UTP4: variants seen among roughly 807,000 people sequenced by gnomAD.
UTP4 encodes the protein UTP4 small subunit processome component, also known as U3 small nucleolar RNA-associated protein 4 homolog.
A neutral mutation model predicts 82.4 loss-of-function variants in UTP4; 45 were observed. The ratio of observed to expected loss-of-function variants is 0.55; its 90% CI spans 0.43 to 0.70. UTP4 has a LOEUF of 0.70. UTP4 is among the 30% of genes least tolerant of loss of function. UTP4 has a pLI of 0.00. For synonymous variants in UTP4, 348 were observed against 300.3 expected, an observed-to-expected ratio of 1.16 and a Z score of -1.64; for missense variants, 819 against 858.3, an observed-to-expected ratio of 0.95 and a Z score of 0.57.
intron 12 of UTP4, among the ~76,000 whole-genome samples, chr16:69,158,679 T>C (rs1459230077): frequency 6.6e-6 from 1 of 152,192 alleles, no homozygotes; most frequent in Non-Finnish European, 1.5e-5. Context: ...ACTTCTCTCA[T>C]CTCACTTCCC....
Position 69,168,997 on chromosome 16 carries a change from T to C in UTP4, c.*60T>C. 1 of 1,034,550 alleles carries C rather than the reference T, an allele frequency of 9.7e-7. No individual in the cohort carries two copies. The highest frequency in any genetic ancestry group is 1.6e-5 in the African/African-American group (1 of 63,960). The allele number at this position is 1,034,550 out of a possible 1,614,324, so 64.1% of individuals were successfully genotyped here. Reference sequence around the variant, plus strand: ...CTACCCTGTTGCTTTTCACAAATCATGGTAATAAAACAAGTTATTCTTGAG... The same window carrying C: ...CTACCCTGTTGCTTTTCACAAATCACGGTAATAAAACAAGTTATTCTTGAG... On this transcript the variant is annotated 3_prime_UTR_variant, in exon 17 of 17. Coordinates refer to ENST00000314423, the MANE Select transcript of UTP4 (RefSeq NM_032830.3).
chr16:69,138,729 A>G (rs1236691344), intron 4 of UTP4, among the ~76,000 whole-genome samples: 2 of 152,054 alleles, frequency 1.3e-5, no homozygotes, highest in African/African-American at 4.8e-5. Flanking sequence ...TTGTCTGCCA[A>G]CTCTGTCAGT....
At chr16:69,152,074 C>T (rs1421638799) in intron 8 of UTP4, among the ~76,000 whole-genome samples, 1 of 151,062 alleles carries the variant, frequency 6.6e-6, no homozygotes, top group Non-Finnish European at 1.5e-5. Flanking sequence ...AAAAATCATA[C>T]ATATTTAATG....
At chr16:69,163,021 C>T in intron 13 of UTP4, 62 bp from the exon 14 acceptor site, 2 of 1,279,574 alleles carry the variant, frequency 1.6e-6, no homozygotes, top group Non-Finnish European at 2.3e-6. Context: ...CTAGACCATT[C>T]AATCTTTGCT....
At chr16:69,167,220 G>A (rs373268739) in intron 16 of UTP4, 35 bp downstream of exon 16, 80 of 1,372,896 alleles carry the variant, frequency 5.8e-5, no homozygotes, top group Non-Finnish European at 7.8e-5. Context: ...TGGATAGTTG[G>A]TTCCTTTGTG....
chr16:69,140,105 A>C (rs1188415407), intron 5 of UTP4, among the ~76,000 whole-genome samples, 191 bp downstream of exon 5: 3 of 152,180 alleles, frequency 2.0e-5, no homozygotes, highest in Non-Finnish European at 1.5e-5. Context: ...GGAATCTTGG[A>C]TCTTCAGTAA....
Position 69,136,714 on chromosome 16 carries a change from T to C in UTP4, c.178T>C (p.Ser60Pro), listed in dbSNP as rs1169174752. 3 of 1,613,960 alleles carry C rather than the reference T, an allele frequency of 1.9e-6. No homozygotes were observed. The highest frequency in any genetic ancestry group is 2.5e-6 in the Non-Finnish European group (3 of 1,179,904). ...TCTGCAGTTTTTCCCAGGTCATGAG[T>C]CTCGGGCTACAGAAGCTTTGTGCTG... ...FQEKFFPGHE[S>P]RATEALCWAE... is the part of the protein sequence containing the mutation. Residue 60 changes from serine to proline, a missense_variant, in exon 3 of 17, where the codon TCT (serine) becomes CCT (proline). By Grantham distance (74) the Ser-to-Pro change is moderately conservative. Transcript: ENST00000314423.
chr16:69,152,963 C>T (rs1356910302), intron 8 of UTP4, among the ~76,000 whole-genome samples: 12 of 152,142 alleles, frequency 7.9e-5, no homozygotes, highest in Non-Finnish European at 1.5e-4. Flanking sequence ...TCACTCCATG[C>T]TTCAAAGCCT....
At chr16:69,153,773 A>T in intron 9 of UTP4, 93 bp downstream of exon 9, 1 of 849,388 alleles carries the variant, frequency 1.2e-6, no homozygotes, top group Non-Finnish European at 2.0e-6. Context: ...AGAAAAACTG[A>T]AGTAGACTTT....
At chr16:69,151,508 G>A (rs1963267998) in intron 8 of UTP4, among the ~76,000 whole-genome samples, 1 of 151,064 alleles carries the variant, frequency 6.6e-6, no homozygotes, top group Non-Finnish European at 1.5e-5. Context: ...TTTTAGTAGA[G>A]GTGGGGTTTC....
intron 6 of UTP4, 38 bp downstream of exon 6, chr16:69,143,427 C>G: frequency 2.5e-6 from 4 of 1,575,590 alleles, no homozygotes; most frequent in Non-Finnish European, 8.7e-7. Flanking sequence ...TGATGTACAC[C>G]CTTGTGGGGT....
At chr16:69,163,727 T>A (rs1015313375) in intron 14 of UTP4, among the ~76,000 whole-genome samples, 1 of 151,758 alleles carries the variant, frequency 6.6e-6, no homozygotes, top group Non-Finnish European at 1.5e-5. Flanking sequence ...TAGGAAGTTA[T>A]CAATAATTAT....
intron 16 of UTP4, 140 bp downstream of exon 16, chr16:69,167,325 G>T: frequency 1.5e-6 from 1 of 687,532 alleles, no homozygotes; most frequent in Non-Finnish European, 2.6e-6. Flanking sequence ...TCACCTTTTT[G>T]AGGCTGGCTG....
intron 15 of UTP4, 166 bp from the exon 16 acceptor site, chr16:69,166,909 A>G (rs1963716094): frequency 1.6e-6 from 1 of 615,418 alleles, no homozygotes; most frequent in Non-Finnish European, 2.9e-6. Flanking sequence ...TTCTGAATAG[A>G]GGTATTATGG....
intron 12 of UTP4, among the ~76,000 whole-genome samples, chr16:69,157,900 A>ATTATTTTTTTTTTTTTTTTTTTTTTTTT (rs1348295512): frequency 6.6e-6 from 1 of 150,476 alleles, no homozygotes; most frequent in African/African-American, 2.4e-5. Context: ...GCCCAAAAGT[A>ATTATTTTTTTTTTTTTTTTTTTTTTTTT]TTCTTATACA....
chr16:69,162,890 C>CA (rs1012200238), intron 13 of UTP4, among the ~76,000 whole-genome samples, 193 bp from the exon 14 acceptor site: 2,332 of 100,788 alleles, frequency 0.023, 18 homozygotes, highest in African/African-American at 0.028. Context: ...AACTCCATCT[C>CA]AAAAAAAAAA....
At chr16:69,133,177 A>G (rs1005774516) in intron 1 of UTP4, among the ~76,000 whole-genome samples, 2 of 152,084 alleles carry the variant, frequency 1.3e-5, no homozygotes, top group Non-Finnish European at 2.9e-5. Flanking sequence ...GATGCTTGCT[A>G]AAATGCGGAT....
chr16:69,144,390 A>G (rs1285012093), intron 6 of UTP4, among the ~76,000 whole-genome samples: 5 of 150,472 alleles, frequency 3.3e-5, no homozygotes, highest in South Asian at 2.1e-4. Flanking sequence ...GGCTTTCACC[A>G]TGATGGCCAG....
chr16:69,153,973 C>T (rs539008858), intron 9 of UTP4, among the ~76,000 whole-genome samples: 2 of 152,174 alleles, frequency 1.3e-5, no homozygotes, highest in Admixed American at 1.3e-4. Context: ...GAGGTGAAAA[C>T]AGGCTGTTGA....
Sources: gnomAD v4.1 joint callset for allele counts (sites outside exome capture counted in the v4.1 genomes callset) on GRCh38, gnomAD v4.1.1 for gene constraint, MANE v1.5 for transcripts, NCBI Gene and HGNC (gene_info 2026-07-23, HGNC 2026-07-21) for gene names.